EMILIN2: variants seen among roughly 807,000 people sequenced by gnomAD.
The protein encoded by EMILIN2 is EMILIN-2.
EMILIN2 carries 71 observed loss-of-function variants against 87.1 expected under a neutral mutation model. The observed-to-expected ratio is 0.82, with a 90% CI of 0.67 to 0.99. The LOEUF (loss-of-function observed/expected upper bound fraction) is 0.99, where lower values mean the gene tolerates loss of function less well. Among genes scored for constraint, EMILIN2 ranks in the 50% least tolerant of loss-of-function variants. The pLI is 0.00. For synonymous variants in EMILIN2, 581 were observed against 563.4 expected, an observed-to-expected ratio of 1.03 and a Z score of -0.44; for missense variants, 1,407 against 1,371.8, an observed-to-expected ratio of 1.03 and a Z score of -0.40.
rs758246437 is a variant in EMILIN2 at position 2,913,141 on chromosome 18, G to A, written c.2899G>A (p.Glu967Lys). 1.2e-6 allele frequency: 2 copies of A among 1,614,020 alleles called. No homozygotes were observed. Among genetic ancestry groups the A allele is most frequent in the Middle Eastern group, 1.6e-4 (1 of 6,062 alleles). The change falls in exon 8 of 8, where the codon GAA (glutamate) becomes AAA (lysine). Residue 967 changes from glutamate to lysine, a missense_variant. Coordinates refer to ENST00000254528, the MANE Select transcript of EMILIN2 (RefSeq NM_032048.3). ...CACCCCCGAGAGAGACGCCTACGTG[G>A]AAGCAGTGCTGTCGGTCTCCAACGC... Reference protein sequence around the residue: ...TLTPERDAYVEAVLSVSNASV... With the variant: ...TLTPERDAYVKAVLSVSNASV...
At chr18:2,870,171 G>A (rs1279044312) in intron 2 of EMILIN2, among the ~76,000 whole-genome samples, 1 of 152,136 alleles carries the variant, frequency 6.6e-6, no homozygotes, top group African/African-American at 2.4e-5. Flanking sequence ...GGCTGGGGAG[G>A]TTGAGGCTAC....
In EMILIN2 at chr18:2,847,364, T is replaced by C; in HGVS notation, c.134+42T>C. ...TGGCTGGCCCCAAACCGCCTACCCC[T>C]CCCCGGCCCCCAGTTGAGCCCCAGA... On this transcript the variant is annotated intron_variant, in intron 1 of 7. Coordinates refer to ENST00000254528, the MANE Select transcript of EMILIN2 (RefSeq NM_032048.3). The surrounding 1 kb of genome is among the most constrained non-coding windows in gnomAD (Gnocchi z 4.5). The C allele has an allele frequency of 7.9e-7, 1 of 1,267,800 alleles. No homozygotes were observed. Among genetic ancestry groups the C allele is most frequent in the Non-Finnish European group, 9.9e-7 (1 of 1,005,082 alleles). The allele number at this position is 1,267,800 out of a possible 1,614,324, so 78.5% of individuals were successfully genotyped here.
rs1283748740 is a variant in EMILIN2, at chr18:2,848,393, T to C, written c.257+462T>C. ...CTAAAACGAGTGAGTTCTGTCCGTA[T>C]GTCCCCATAAAACGGAATCTTCCAG... On this transcript the variant is annotated intron_variant, in intron 2 of 7. Coordinates refer to ENST00000254528, the MANE Select transcript of EMILIN2 (RefSeq NM_032048.3). This position sits in a 1 kb window ranked among gnomAD's most constrained non-coding sequence, Gnocchi z 4.1. Among the ~76,000 whole-genome samples the C allele has an allele frequency of 6.6e-6, 1 of 152,152 alleles. No individual in the cohort carries two copies. The highest frequency in any genetic ancestry group is 2.4e-5 in the African/African-American group (1 of 41,414).
intron 3 of EMILIN2, among the ~76,000 whole-genome samples, chr18:2,886,708 G>A (rs185807661): frequency 6.6e-6 from 1 of 152,330 alleles, no homozygotes; most frequent in Non-Finnish European, 1.5e-5. Flanking sequence ...ACTATGAATA[G>A]ATTTTCTTTC....
intron 5 of EMILIN2, among the ~76,000 whole-genome samples, chr18:2,908,425 G>C (rs911798664): frequency 6.6e-6 from 1 of 151,936 alleles, no homozygotes; most frequent in African/African-American, 2.4e-5. Context: ...GCACATATCT[G>C]TCCACCCACC....
chr18:2,851,815 G>C (rs9948477), intron 2 of EMILIN2, among the ~76,000 whole-genome samples: 4,721 of 152,278 alleles, frequency 0.031, 252 homozygotes, highest in African/African-American at 0.11. Flanking sequence ...CTATGTGCCA[G>C]GCCCCATGTT....
chr18:2,893,016 C>T (rs1162559927), intron 4 of EMILIN2, among the ~76,000 whole-genome samples: 2 of 152,034 alleles, frequency 1.3e-5, no homozygotes, highest in African/African-American at 2.4e-5. Flanking sequence ...TGCATCACTG[C>T]ACTCCAGCCT....
At chr18:2,887,638 C>T (rs998939736) in intron 3 of EMILIN2, among the ~76,000 whole-genome samples, 1 of 152,074 alleles carries the variant, frequency 6.6e-6, no homozygotes, top group South Asian at 2.1e-4. Flanking sequence ...GAGGTCCTGA[C>T]CAGAAGCAGT....
In EMILIN2 at chr18:2,890,799, G is replaced by A; in HGVS notation, c.672G>A (p.Arg224=). 1 of 1,613,536 alleles carries A rather than the reference G, an allele frequency of 6.2e-7. No individual in the cohort carries two copies. The highest frequency in any genetic ancestry group is 8.5e-7 in the Non-Finnish European group (1 of 1,179,724). ...HATQDDASRT[R]APGLSSQHPK... Reference sequence around the variant, plus strand: ...CTCAGGATGATGCCAGTAGAACACGGGCACCAGGGCTCAGCAGCCAGCACC... The same window carrying A: ...CTCAGGATGATGCCAGTAGAACACGAGCACCAGGGCTCAGCAGCCAGCACC... The change falls in exon 4 of 8, where the codon CGG becomes CGA. Residue 224 remains arginine, a synonymous_variant. Transcript: ENST00000254528. This position sits in a 1 kb window ranked among gnomAD's most constrained non-coding sequence, Gnocchi z 4.7.
chr18:2,896,244 T>C (rs1015693969), intron 4 of EMILIN2, among the ~76,000 whole-genome samples: 5 of 152,088 alleles, frequency 3.3e-5, no homozygotes, highest in East Asian at 1.9e-4. Context: ...GGCGTGATCT[T>C]GGCTCACTGC....
chr18:2,904,434 G>A (rs2076900709), intron 4 of EMILIN2, among the ~76,000 whole-genome samples: 1 of 151,982 alleles, frequency 6.6e-6, no homozygotes, highest in African/African-American at 2.4e-5. Flanking sequence ...GGACTTCCTA[G>A]GTTGACCCTT....
Position 2,864,346 on chromosome 18 carries a change from C to T in EMILIN2, c.257+16415C>T, listed in dbSNP as rs868317769. Among the ~76,000 whole-genome samples, 54 of 152,320 alleles carry T rather than the reference C, an allele frequency of 3.5e-4. No individual in the cohort carries two copies. In the Middle Eastern group the frequency reaches 0.024, roughly 67 times the overall value. Reference sequence around the variant, plus strand: ...GTCTTTACATTTTGGCATGTTTTTGCAGTGGCTGGTACCGGTTGTTCCTTT... The same window carrying T: ...GTCTTTACATTTTGGCATGTTTTTGTAGTGGCTGGTACCGGTTGTTCCTTT... On this transcript the variant is annotated intron_variant, in intron 2 of 7. Transcript: ENST00000254528.
chr18:2,892,150 C>T lies in EMILIN2; in HGVS notation c.2023C>T (p.Gln675Ter). ...CTGCAGTCAGCTGGAGGAGAGGTGG[C>T]AGAGGTTGCAGAGCCAGGTCATCTC... ...HCCSQLEERW[Q>*]RLQSQVISEL... Residue 675 changes from glutamine to a stop codon, truncating the protein, a stop_gained, in exon 4 of 8, where the codon CAG (glutamine) becomes TAG (stop). Coordinates refer to ENST00000254528, the MANE Select transcript of EMILIN2 (RefSeq NM_032048.3). LOFTEE classifies it high-confidence loss of function. 2 of 1,607,512 alleles carry T rather than the reference C, an allele frequency of 1.2e-6. No individual in the cohort carries two copies. The highest frequency in any genetic ancestry group is 1.7e-6 in the Non-Finnish European group (2 of 1,175,782).
At position 2,894,761 on chromosome 18, in the gene EMILIN2, G is replaced by A. The variant is rs72870058; in HGVS notation, c.2359+2275G>A. 0.11 allele frequency among the ~76,000 whole-genome samples: 16,367 copies of A among 152,074 alleles called. 1,260 individuals are homozygous for A. The highest frequency in any genetic ancestry group is 0.21 in the African/African-American group (8,726 of 41,448). ...TTGGAAAAGAGCCAGAAATAAACAA[G>A]CAGAGCCTCCTCTGCCCTTGTCTAG... On this transcript the variant is annotated intron_variant, in intron 4 of 7. Coordinates refer to ENST00000254528, the MANE Select transcript of EMILIN2 (RefSeq NM_032048.3). This position sits in a 1 kb window ranked among gnomAD's most constrained non-coding sequence, Gnocchi z 5.0.
In EMILIN2 at chr18:2,913,279, C is replaced by A. The variant is rs1195485981; in HGVS notation, c.3037C>A (p.His1013Asn). ...CCCGGGGGCATTCCACCTCATCGTG[C>A]ACCTGAAGGCGGGAGATGCAGTCAA... is the stretch of plus-strand genomic sequence containing the variant. ...GGPGAFHLIV[H>N]LKAGDAVNVV... Residue 1013 changes from histidine (H) to asparagine (N), a missense_variant, in exon 8 of 8, where the codon CAC (histidine) becomes AAC (asparagine). By Grantham distance (68) the His-to-Asn change is moderately conservative. Coordinates refer to ENST00000254528, the MANE Select transcript of EMILIN2 (RefSeq NM_032048.3). 1 of 1,613,160 alleles carries A rather than the reference C, an allele frequency of 6.2e-7. No individual in the cohort carries two copies. Among genetic ancestry groups the A allele is most frequent in the Admixed American group, 1.7e-5 (1 of 59,964 alleles).
chr18:2,850,904 G>A (rs2076598210), intron 2 of EMILIN2, among the ~76,000 whole-genome samples: 1 of 152,080 alleles, frequency 6.6e-6, no homozygotes, highest in Non-Finnish European at 1.5e-5. Flanking sequence ...AGACTCAGGA[G>A]AAGTCCTGGA....
chr18:2,900,337 A>G (rs1303438563), intron 4 of EMILIN2, among the ~76,000 whole-genome samples: 1 of 152,144 alleles, frequency 6.6e-6, no homozygotes, highest in Non-Finnish European at 1.5e-5. Context: ...ACAAGCACAC[A>G]TTACCATGCC....
In EMILIN2 at chr18:2,862,072, C is replaced by T. The variant is rs547635107; in HGVS notation, c.257+14141C>T. On this transcript the variant is annotated intron_variant, in intron 2 of 7. Coordinates refer to ENST00000254528, the MANE Select transcript of EMILIN2 (RefSeq NM_032048.3). ...TGTATAAGAATGCTGGTGATTTTTG[C>T]ACATTGATTTTGTATCCTGAGACTT... 2.3e-4 allele frequency among the ~76,000 whole-genome samples: 35 copies of T among 152,240 alleles called. No individual in the cohort carries two copies. In the South Asian group the frequency reaches 5.8e-3, roughly 25 times the overall value.
chr18:2,860,925 C>A (rs1742632893), intron 2 of EMILIN2, among the ~76,000 whole-genome samples: 1 of 152,182 alleles, frequency 6.6e-6, no homozygotes, highest in African/African-American at 2.4e-5. Context: ...TTAATGATTG[C>A]CGTTCTAACT....
Sources: gnomAD v4.1 joint callset for allele counts (sites outside exome capture counted in the v4.1 genomes callset) on GRCh38, gnomAD v4.1.1 for gene constraint, Gnocchi (gnomAD v3.1) non-coding constraint, MANE v1.5 for transcripts, NCBI Gene and HGNC (gene_info 2026-07-23, HGNC 2026-07-21) for gene names.